Variants in MAP2 observed in about 807,000 individuals in gnomAD.
MAP2 encodes the protein microtubule-associated protein 2.
A neutral mutation model predicts 137.6 loss-of-function variants in MAP2; 14 were observed. The observed-to-expected ratio is 0.10, with a 90% confidence interval of 0.07 to 0.16. MAP2 has a LOEUF of 0.16. Among genes scored for constraint, MAP2 ranks in the 10% least tolerant of loss-of-function variants. The pLI, the probability that MAP2 is intolerant of heterozygous loss-of-function variation, is 1.00. For synonymous variants in MAP2, 786 were observed against 782.3 expected (o/e 1.00, Z -0.08); for missense variants, 2,088 against 2,191.5 (o/e 0.95, Z 0.94).
At chr2:209,450,565 G>T (rs1700084932) in intron 1 of MAP2, among the ~76,000 whole-genome samples, 1 of 152,100 alleles carries the variant, frequency 6.6e-6, no homozygotes. Flanking sequence ...CTTAGTACTT[G>T]AATCTAAAAC....
At chr2:209,504,237 T>C (rs1214686809) in intron 1 of MAP2, among the ~76,000 whole-genome samples, 1 of 151,166 alleles carries the variant, frequency 6.6e-6, no homozygotes, top group South Asian at 2.1e-4. Flanking sequence ...CATAAAGAAG[T>C]CAGGCTCCTG....
chr2:209,490,736 A>G (rs1041761612), intron 1 of MAP2, among the ~76,000 whole-genome samples: 1 of 152,046 alleles, frequency 6.6e-6, no homozygotes, highest in African/African-American at 2.4e-5. Flanking sequence ...AGATCAATGC[A>G]ACAAGAAGAG....
chr2:209,702,645 G>C (rs969685895), intron 11 of MAP2, among the ~76,000 whole-genome samples: 1 of 151,796 alleles, frequency 6.6e-6, no homozygotes, highest in Non-Finnish European at 1.5e-5. Context: ...TGTTTGTTTA[G>C]CATTAATAGT....
chr2:209,457,452 A>G (rs936808840), intron 1 of MAP2, among the ~76,000 whole-genome samples: 1 of 152,242 alleles, frequency 6.6e-6, no homozygotes, highest in African/African-American at 2.4e-5. Flanking sequence ...ATGATACAGT[A>G]CAAAAATGGA....
intron 2 of MAP2, among the ~76,000 whole-genome samples, chr2:209,508,789 GTATTATTT>G (rs1378133417): frequency 2.0e-5 from 3 of 151,934 alleles, no homozygotes; most frequent in Admixed American, 6.6e-5. Flanking sequence ...TCTATAAACT[GTATTATTT>G]TATTAAGTGT....
chr2:209,671,838 C>A (rs2048966499), intron 5 of MAP2, among the ~76,000 whole-genome samples: 1 of 151,782 alleles, frequency 6.6e-6, no homozygotes, highest in South Asian at 2.1e-4. Flanking sequence ...GTAATCATAG[C>A]TGGTCCTGCT....
At chr2:209,723,494 G>A (rs2072291225) in intron 13 of MAP2, 1 of 714,672 alleles carries the variant, frequency 1.4e-6, no homozygotes, top group Non-Finnish European at 2.6e-6. Context: ...TGTGTAGGTG[G>A]AAGGGAATCT....
intron 1 of MAP2, among the ~76,000 whole-genome samples, chr2:209,435,794 A>G (rs561065004): frequency 6.6e-6 from 1 of 150,994 alleles, no homozygotes; most frequent in South Asian, 2.1e-4. Context: ...TTAAGAAAAT[A>G]TCAACACTAA....
intron 3 of MAP2, among the ~76,000 whole-genome samples, chr2:209,611,271 G>A (rs976829210): frequency 5.3e-5 from 8 of 152,008 alleles, no homozygotes; most frequent in Non-Finnish European, 1.0e-4. Flanking sequence ...ACCCACTACA[G>A]ACATTTGGAA....
chr2:209,696,969 T>C lies in MAP2; in HGVS notation c.4440T>C (p.Ser1480=), dbSNP rs1346697669. 1.2e-6 allele frequency: 2 copies of C among 1,613,380 alleles called. No individual in the cohort carries two copies. The highest frequency in any genetic ancestry group is 1.7e-6 in the Non-Finnish European group (2 of 1,179,812). ...LAKKTEVQAH[S]PSRKFILKPA... ...AAAAAACAGAAGTTCAGGCCCACTC[T>C]CCCTCCAGGAAATTCATTTTAAAAC... The change falls in exon 10 of 16, where the codon TCT becomes TCC. Residue 1480 remains serine (S), a synonymous_variant. Coordinates refer to ENST00000682079, the MANE Select transcript of MAP2 (RefSeq NM_001375505.1).
At position 209,730,955 on chromosome 2, in the gene MAP2, A is replaced by G. The variant is rs1219443642; in HGVS notation, c.*558A>G. On this transcript the variant is annotated 3_prime_UTR_variant, in exon 16 of 16. Coordinates refer to ENST00000682079, the MANE Select transcript of MAP2 (RefSeq NM_001375505.1). ...GGGACCTGGATAATTATATCAGAGT[A>G]TGTCAGTCCAATAAATTATTTAACT... 6.5e-6 allele frequency: 1 copy of G among 153,178 alleles called. No individual in the cohort carries two copies. The highest frequency in any genetic ancestry group is 2.4e-5 in the African/African-American group (1 of 41,462). The allele number at this position is 153,178 out of a possible 1,614,324, so 9.5% of individuals were successfully genotyped here.
intron 3 of MAP2, among the ~76,000 whole-genome samples, chr2:209,586,640 G>A (rs1044778138): frequency 3.3e-5 from 5 of 152,122 alleles, no homozygotes; most frequent in Admixed American, 2.0e-4. Context: ...TAGATGCTAA[G>A]AGATTTGCTT....
intron 1 of MAP2, among the ~76,000 whole-genome samples, chr2:209,437,537 C>T (rs1179742262): frequency 6.6e-6 from 1 of 151,496 alleles, no homozygotes; most frequent in African/African-American, 2.4e-5. Flanking sequence ...ATTGTGGATA[C>T]ATTGGAATTA....
At chr2:209,572,093 T>A (rs944999720) in intron 2 of MAP2, among the ~76,000 whole-genome samples, 10 of 152,096 alleles carry the variant, frequency 6.6e-5, no homozygotes, top group South Asian at 6.2e-4. Flanking sequence ...AGTGATTTTT[T>A]AAAAAAATCA....
Position 209,440,338 on chromosome 2 carries a change from A to G in MAP2, c.-222+16062A>G, listed in dbSNP as rs576698696. 5.9e-5 allele frequency among the ~76,000 whole-genome samples: 9 copies of G among 151,678 alleles called. No individual in the cohort carries two copies. In the East Asian group the frequency reaches 1.7e-3, roughly 29 times the overall value. ...ATGGTGAGTACTTTTGGAGAAAACA[A>G]GATTTGAAAGAATCAACACTATCTG... is the stretch of plus-strand genomic sequence containing the variant. On this transcript the variant is annotated intron_variant, in intron 1 of 15. Transcript: ENST00000682079.
intron 5 of MAP2, among the ~76,000 whole-genome samples, chr2:209,665,570 T>G (rs1207121197): frequency 6.6e-6 from 1 of 152,234 alleles, no homozygotes; most frequent in Non-Finnish European, 1.5e-5. Context: ...GGATTTAATA[T>G]GTGCCTCCTT....
At chr2:209,612,391 C>T (rs1048726170) in intron 3 of MAP2, among the ~76,000 whole-genome samples, 1 of 152,154 alleles carries the variant, frequency 6.6e-6, no homozygotes, top group Non-Finnish European at 1.5e-5. Flanking sequence ...GTGGCTTTAT[C>T]ACAAGAACAC....
At chr2:209,520,253 C>T (rs1051673694) in intron 2 of MAP2, among the ~76,000 whole-genome samples, 1 of 152,010 alleles carries the variant, frequency 6.6e-6, no homozygotes, top group East Asian at 1.9e-4. Flanking sequence ...TAAAGACAGG[C>T]TTCCCTATAA....
chr2:209,581,934 T>C (rs2076515502), intron 3 of MAP2, among the ~76,000 whole-genome samples: 1 of 151,862 alleles, frequency 6.6e-6, no homozygotes, highest in African/African-American at 2.4e-5. Flanking sequence ...AAAAAATGAG[T>C]TTATTAAAAT....
Sources: gnomAD v4.1 joint callset for allele counts (sites outside exome capture counted in the v4.1 genomes callset) on GRCh38, gnomAD v4.1.1 for gene constraint, MANE v1.5 for transcripts, NCBI Gene and HGNC (gene_info 2026-07-23, HGNC 2026-07-21) for gene names.